The following GMDS variants were observed in gnomAD, a reference collection of about 807,000 sequenced individuals.
GMDS encodes GDP-mannose 4,6-dehydratase.
A neutral mutation model predicts 49.9 loss-of-function variants in GMDS; 20 were observed. The ratio of observed to expected loss-of-function variants is 0.40; its 90% CI spans 0.28 to 0.58. The LOEUF is 0.58. GMDS is among the 20% of genes least tolerant of loss of function. The probability of loss-of-function intolerance (pLI) is 0.42; values close to 1 mark genes in which losing one functional copy is unlikely to be tolerated. For missense variants in GMDS, 362 were observed against 481.4 expected (o/e 0.75, Z 2.32); for synonymous variants, 177 against 178.6 (o/e 0.99, Z 0.07).
At chr6:1,875,797 C>A (rs1268852361) in intron 7 of GMDS, among the ~76,000 whole-genome samples, 1 of 150,986 alleles carries the variant, frequency 6.6e-6, no homozygotes, top group Admixed American at 6.6e-5. Context: ...AGGCTGAGGG[C>A]AGCGCAACAC....
rs73418706 is a variant in GMDS, at chr6:2,135,788, T to A, written c.103-11057A>T. On this transcript the variant is annotated intron_variant, in intron 1 of 10. Coordinates refer to ENST00000380815, the MANE Select transcript of GMDS (RefSeq NM_001500.4). ...AAAAGAAACAGATAAAGATGAATTT[T>A]ATTTAACACATATATCTAGAATGTT... Among the ~76,000 whole-genome samples the A allele has an allele frequency of 2.9e-3, 435 of 152,358 alleles. 3 individuals carry two copies. The highest frequency in any genetic ancestry group is 9.9e-3 in the African/African-American group (413 of 41,588).
rs186058062 is a variant in GMDS, at chr6:1,958,396, A to T, written c.643+1471T>A. Among the ~76,000 whole-genome samples the T allele has an allele frequency of 8.7e-3, 1,325 of 152,224 alleles. 79 individuals are homozygous for T. The highest frequency in any genetic ancestry group is 0.082 in the Admixed American group (1,252 of 15,284). ...AAAGAGGCAGGGATTACCACGACTG[A>T]GCAGACTCTGTGGGCGCCCTCATAC... On this transcript the variant is annotated intron_variant, in intron 6 of 10. Transcript: ENST00000380815.
At chr6:2,063,244 G>A (rs1456694132) in intron 4 of GMDS, among the ~76,000 whole-genome samples, 1 of 152,190 alleles carries the variant, frequency 6.6e-6, no homozygotes, top group Non-Finnish European at 1.5e-5. Context: ...TTTGGGATTG[G>A]CCTATCACTT....
At chr6:1,738,446 A>G (rs535195976) in intron 8 of GMDS, among the ~76,000 whole-genome samples, 1 of 152,364 alleles carries the variant, frequency 6.6e-6, no homozygotes, top group Non-Finnish European at 1.5e-5. Context: ...TCAAGAGGAA[A>G]TATCTGTGTC....
intron 7 of GMDS, among the ~76,000 whole-genome samples, chr6:1,767,745 A>T (rs1416367180): frequency 2.0e-5 from 3 of 152,174 alleles, no homozygotes; most frequent in Non-Finnish European, 4.4e-5. Context: ...CTCTCTGGAG[A>T]GGTCAGGGAA....
At chr6:1,990,036 C>T (rs1392700138) in intron 4 of GMDS, among the ~76,000 whole-genome samples, 1 of 152,238 alleles carries the variant, frequency 6.6e-6, no homozygotes, top group Non-Finnish European at 1.5e-5. Flanking sequence ...ATGGCTCACG[C>T]CTGTAATCCC....
At chr6:2,198,162 A>C (rs1191412251) in intron 1 of GMDS, among the ~76,000 whole-genome samples, 1 of 152,244 alleles carries the variant, frequency 6.6e-6, no homozygotes, top group Non-Finnish European at 1.5e-5. Context: ...CCAGCCAATG[A>C]GAAAAGTAAC....
Position 2,191,346 on chromosome 6 carries a change from C to T in GMDS, c.102+53975G>A, listed in dbSNP as rs1020996209. On this transcript the variant is annotated intron_variant, in intron 1 of 10. Transcript: ENST00000380815. The surrounding 1 kb of genome is among the most constrained non-coding windows in gnomAD (Gnocchi z 4.6). ...TCACAGTGATGTCCCTGGACACCAGCCCAGGCCCAGCAAGGACCTAGAGCC... is the reference window on the plus strand; with the variant it reads ...TCACAGTGATGTCCCTGGACACCAGTCCAGGCCCAGCAAGGACCTAGAGCC... Among the ~76,000 whole-genome samples, 3 of 152,150 alleles carry T rather than the reference C, an allele frequency of 2.0e-5. No homozygotes were observed. The highest frequency in any genetic ancestry group is 6.5e-5 in the Admixed American group (1 of 15,286).
intron 4 of GMDS, among the ~76,000 whole-genome samples, chr6:2,075,966 G>GTATCTCA (rs1772313113): frequency 6.6e-6 from 1 of 152,086 alleles, no homozygotes; most frequent in African/African-American, 2.4e-5. Flanking sequence ...GTGTGAGATG[G>GTATCTCA]TATCTCACTG....
intron 7 of GMDS, among the ~76,000 whole-genome samples, chr6:1,928,744 G>C (rs1476917698): frequency 3.3e-5 from 5 of 152,104 alleles, no homozygotes; most frequent in African/African-American, 1.2e-4. Flanking sequence ...TAAGGCGGGT[G>C]GATCACCTGA....
intron 7 of GMDS, among the ~76,000 whole-genome samples, chr6:1,747,497 C>CAG (rs1767554181): frequency 6.6e-6 from 1 of 150,860 alleles, no homozygotes; most frequent in African/African-American, 2.5e-5. Flanking sequence ...CGCGCACACA[C>CAG]ACACACACAC....
chr6:1,755,324 T>C (rs9503019), intron 7 of GMDS, among the ~76,000 whole-genome samples: 63,064 of 151,940 alleles, frequency 0.42, 13,656 homozygotes, highest in East Asian at 0.59. Flanking sequence ...TTACAAGAGA[T>C]GTGAGGGACC....
chr6:2,065,569 T>C (rs1396585608), intron 4 of GMDS, among the ~76,000 whole-genome samples: 1 of 152,074 alleles, frequency 6.6e-6, no homozygotes, highest in African/African-American at 2.4e-5. Context: ...TACAGAGAAG[T>C]GCTTAAAGGA....
chr6:2,155,011 G>A (rs1777041616), intron 1 of GMDS, among the ~76,000 whole-genome samples: 1 of 151,826 alleles, frequency 6.6e-6, no homozygotes, highest in African/African-American at 2.4e-5. Flanking sequence ...CTTTAAAGAG[G>A]CTGATAACTC....
intron 7 of GMDS, among the ~76,000 whole-genome samples, chr6:1,859,183 C>T (rs540783114): frequency 2.1e-4 from 32 of 152,268 alleles, no homozygotes; most frequent in Admixed American, 3.3e-4. Context: ...AGGAGTCTGA[C>T]CGTAGACATT....
At chr6:1,632,932 C>T (rs2113157160) in intron 9 of GMDS, among the ~76,000 whole-genome samples, 1 of 152,314 alleles carries the variant, frequency 6.6e-6, no homozygotes, top group Non-Finnish European at 1.5e-5. Context: ...GCTGGAGAGA[C>T]CTGGAATCAC....
At position 1,946,072 on chromosome 6, in the gene GMDS, A is replaced by G. The variant is rs533892986; in HGVS notation, c.643+13795T>C. On this transcript the variant is annotated intron_variant, in intron 6 of 10. Coordinates refer to ENST00000380815, the MANE Select transcript of GMDS (RefSeq NM_001500.4). The stretch of plus-strand genomic sequence containing the variant: ...AAGATTTGCTTCCATATTTTACTTC[A>G]TCACTTCCTTTTCTCACTAATTAAA... Among the ~76,000 whole-genome samples the G allele has an allele frequency of 7.2e-5, 11 of 152,374 alleles. No homozygotes were observed. The East Asian group carries it at 2.1e-3, about 29-fold the overall frequency.
chr6:1,944,746 G>C (rs1762994390), intron 6 of GMDS, among the ~76,000 whole-genome samples: 1 of 151,178 alleles, frequency 6.6e-6, no homozygotes, highest in Middle Eastern at 3.3e-3. Flanking sequence ...TAGCCACCCA[G>C]CATAAAGACT....
chr6:2,180,198 AT>A (rs1272120810), intron 1 of GMDS, among the ~76,000 whole-genome samples: 1 of 152,242 alleles, frequency 6.6e-6, no homozygotes, highest in Non-Finnish European at 1.5e-5. Flanking sequence ...TGTCAAAGGC[AT>A]ATTTCAAAAT....
Sources: gnomAD v4.1 joint callset for allele counts (sites outside exome capture counted in the v4.1 genomes callset) on GRCh38, gnomAD v4.1.1 for gene constraint, Gnocchi (gnomAD v3.1) non-coding constraint, MANE v1.5 for transcripts, NCBI Gene and HGNC (gene_info 2026-07-23, HGNC 2026-07-21) for gene names.